ZBTB20: variants seen among roughly 807,000 people sequenced by gnomAD.
ZBTB20 encodes the protein zinc finger and BTB domain containing 20, also known as zinc finger and BTB domain-containing protein 20.
A neutral mutation model predicts 56.9 loss-of-function variants in ZBTB20; 9 were observed. The ratio of observed to expected loss-of-function variants is 0.16; its 90% CI spans 0.10 to 0.28. The LOEUF is 0.28. ZBTB20 is among the 10% of genes least tolerant of loss of function. The probability of loss-of-function intolerance (pLI) is 1.00; values close to 1 mark genes in which losing one functional copy is unlikely to be tolerated. For synonymous variants in ZBTB20, 417 were observed against 420.7 expected (o/e 0.99, Z 0.11); for missense variants, 655 against 1,003.0 (o/e 0.65, Z 4.69).
chr3:114,753,432 T>TAC lies in ZBTB20; in HGVS notation c.-343+47667_-343+47668dup, dbSNP rs1553809240. The stretch of plus-strand genomic sequence containing the variant: ...ACACACGTATATATATATATATATA[T>TAC]ACACACACACTTTTTTTTTTGAGAC... On this transcript the variant is annotated intron_variant, in intron 5 of 11. Coordinates refer to ENST00000675478, the MANE Select transcript of ZBTB20 (RefSeq NM_001348800.3). 1.4e-3 allele frequency among the ~76,000 whole-genome samples: 59 copies of TAC among 43,528 alleles called. 12 individuals are homozygous for TAC. The highest frequency in any genetic ancestry group is 3.6e-3 in the African/African-American group (47 of 12,972). 28.6% of individuals were successfully genotyped at this position (43,528 alleles called of 152,430 possible). A position where few individuals can be genotyped will look rare whatever the true frequency, so the allele number is the denominator to read the frequency against.
intron 4 of ZBTB20, among the ~76,000 whole-genome samples, chr3:114,854,707 T>C (rs1040004382): frequency 2.6e-5 from 4 of 152,218 alleles, no homozygotes; most frequent in African/African-American, 4.8e-5. Context: ...GGCTATCTAA[T>C]ATGTGAAGTT....
At chr3:114,498,410 A>G (rs1028391344) in intron 7 of ZBTB20, among the ~76,000 whole-genome samples, 21 of 152,282 alleles carry the variant, frequency 1.4e-4, no homozygotes, top group African/African-American at 5.1e-4. Flanking sequence ...TTGGAGTCAA[A>G]GCACTGGGGA....
intron 6 of ZBTB20, among the ~76,000 whole-genome samples, chr3:114,573,979 T>C (rs1482239779): frequency 1.3e-5 from 2 of 152,184 alleles, no homozygotes; most frequent in African/African-American, 4.8e-5. Flanking sequence ...TTCTCTTACA[T>C]CATTATCGAA....
intron 7 of ZBTB20, among the ~76,000 whole-genome samples, chr3:114,409,387 T>C (rs2087701923): frequency 6.6e-6 from 1 of 152,058 alleles, no homozygotes; most frequent in South Asian, 2.1e-4. Flanking sequence ...CTTTTAAAAA[T>C]AGCCAATCGA....
Position 114,350,917 on chromosome 3 carries a change from A to G in ZBTB20, c.1161T>C (p.Pro387=). 6.2e-7 allele frequency: 1 copy of G among 1,605,638 alleles called. No individual in the cohort carries two copies. Among genetic ancestry groups the G allele is most frequent in the Non-Finnish European group, 8.5e-7 (1 of 1,179,856 alleles). ...SGVSSSIGTE[P]DSVEQQFGPG... ...GCCCAAACTGCTGCTCCACCGAGTC[A>G]GGCTCGGTGCCTATGGAGGAGCTGA... Residue 387 remains proline (P), a synonymous_variant, in exon 11 of 12, where the codon CCT becomes CCC. Transcript: ENST00000675478.
intron 2 of ZBTB20, among the ~76,000 whole-genome samples, chr3:115,065,301 C>T (rs951389481): frequency 7.9e-5 from 12 of 152,096 alleles, no homozygotes; most frequent in Admixed American, 7.9e-4. Flanking sequence ...ATTAATTATA[C>T]TTTATTTCTA....
chr3:114,423,367 TAAAAGTTAACAAAGAAGTTAAC>T (rs1395965644), intron 7 of ZBTB20, among the ~76,000 whole-genome samples: 1 of 152,162 alleles, frequency 6.6e-6, no homozygotes. Flanking sequence ...AAAATGCTTA[TAAAAGTTAACAAAGAAGTTAAC>T]AAAAGTTAAC....
chr3:114,953,868 A>G (rs1346289766), intron 3 of ZBTB20, among the ~76,000 whole-genome samples: 7 of 152,102 alleles, frequency 4.6e-5, no homozygotes, highest in Admixed American at 3.9e-4. Flanking sequence ...TCATTCAGAA[A>G]CTTAACAGCA....
At chr3:114,753,432 T>TATATATATATATATATATAC (rs1205435166) in intron 5 of ZBTB20, among the ~76,000 whole-genome samples, 2 of 43,532 alleles carry the variant, frequency 4.6e-5, no homozygotes, top group African/African-American at 1.5e-4. Context: ...TATATATATA[T>TATATATATATATATATATAC]ACACACACAC....
chr3:114,980,434 G>A (rs1444451878), intron 2 of ZBTB20, among the ~76,000 whole-genome samples: 4 of 151,882 alleles, frequency 2.6e-5, no homozygotes, highest in African/African-American at 9.6e-5. Context: ...AGCCATTTTA[G>A]TAAAAGCAAT....
chr3:114,546,456 G>A (rs1224210203), intron 6 of ZBTB20, among the ~76,000 whole-genome samples: 1 of 151,962 alleles, frequency 6.6e-6, no homozygotes, highest in South Asian at 2.1e-4. Context: ...GAGGAGTCCT[G>A]AGTGCTTTAC....
chr3:114,522,131 A>T (rs2046709661), intron 6 of ZBTB20, among the ~76,000 whole-genome samples: 1 of 152,204 alleles, frequency 6.6e-6, no homozygotes, highest in Non-Finnish European at 1.5e-5. Context: ...GTCTGAAGGC[A>T]GTAGGTGCTA....
intron 6 of ZBTB20, among the ~76,000 whole-genome samples, chr3:114,564,068 T>C (rs1326430668): frequency 2.0e-5 from 3 of 152,274 alleles, no homozygotes; most frequent in East Asian, 1.9e-4. Context: ...CCTGTATTCA[T>C]TGGCTCATGA....
chr3:114,741,515 G>A (rs1312727549), intron 5 of ZBTB20, among the ~76,000 whole-genome samples: 3 of 152,084 alleles, frequency 2.0e-5, no homozygotes, highest in Non-Finnish European at 4.4e-5. Context: ...TAAGCAAATA[G>A]GCTTATGAAA....
chr3:114,856,063 C>T (rs921798562), intron 4 of ZBTB20, among the ~76,000 whole-genome samples: 2 of 152,112 alleles, frequency 1.3e-5, no homozygotes, highest in Non-Finnish European at 2.9e-5. Flanking sequence ...CACTTTCTGG[C>T]TGTGTGGTAT....
chr3:114,758,668 C>T, intron 5 of ZBTB20, among the ~76,000 whole-genome samples: 1 of 152,102 alleles, frequency 6.6e-6, no homozygotes, highest in Admixed American at 6.6e-5. Context: ...ACATATTCTT[C>T]TGCTAATAAA....
intron 4 of ZBTB20, among the ~76,000 whole-genome samples, chr3:114,872,359 T>C (rs1333837739): frequency 2.0e-5 from 3 of 152,174 alleles, no homozygotes; most frequent in Admixed American, 2.0e-4. Flanking sequence ...TTCTATTTAA[T>C]TGACTTGAAT....
chr3:114,638,895 T>C lies in ZBTB20; in HGVS notation c.-295+54633A>G, dbSNP rs1175984976. On this transcript the variant is annotated intron_variant, in intron 6 of 11. Coordinates refer to ENST00000675478, the MANE Select transcript of ZBTB20 (RefSeq NM_001348800.3). ...TAAATGTTTTAAAGGAGAGATGATA[T>C]AAACAAGTCTTCTATTAAATGTGAA... is the stretch of plus-strand genomic sequence containing the variant. 5.9e-5 allele frequency among the ~76,000 whole-genome samples: 9 copies of C among 152,178 alleles called. No individual in the cohort carries two copies. In the East Asian group the frequency reaches 1.7e-3, roughly 29 times the overall value.
At position 115,043,599 on chromosome 3, in the gene ZBTB20, A is replaced by G. The variant is rs866026846; in HGVS notation, c.-507+27620T>C. On this transcript the variant is annotated intron_variant, in intron 2 of 11. Coordinates refer to ENST00000675478, the MANE Select transcript of ZBTB20 (RefSeq NM_001348800.3). ...AAAGAAATAAAATAAAATAAAATAA[A>G]ATAAAATAAAATAAAATAAAATAAA... Among the ~76,000 whole-genome samples the G allele has an allele frequency of 5.4e-3, 796 of 146,210 alleles. 12 individuals are homozygous for G. The highest frequency in any genetic ancestry group is 0.018 in the African/African-American group (731 of 40,494).
Sources: gnomAD v4.1 joint callset for allele counts (sites outside exome capture counted in the v4.1 genomes callset) on GRCh38, gnomAD v4.1.1 for gene constraint, MANE v1.5 for transcripts, NCBI Gene and HGNC (gene_info 2026-07-23, HGNC 2026-07-21) for gene names.